Variants in MARCHF1 observed in about 807,000 individuals in gnomAD.
MARCHF1 encodes the protein membrane associated ring-CH-type finger 1, also known as E3 ubiquitin-protein ligase MARCHF1.
A neutral mutation model predicts 54.2 loss-of-function variants in MARCHF1; 40 were observed. The ratio of observed to expected loss-of-function variants is 0.74; its 90% confidence interval spans 0.57 to 0.96. The LOEUF (loss-of-function observed/expected upper bound fraction) is 0.96. MARCHF1 is among the 40% of genes least tolerant of loss of function. MARCHF1 has a pLI of 0.00. For synonymous variants in MARCHF1, 236 were observed against 236.3 expected (o/e 1.00, Z 0.01); for missense variants, 586 against 656.5 (o/e 0.89, Z 1.17).
chr4:164,059,954 G>A (rs943144607), intron 2 of MARCHF1, among the ~76,000 whole-genome samples: 1 of 151,982 alleles, frequency 6.6e-6, no homozygotes, highest in African/African-American at 2.4e-5. Context: ...TAGGCCTGCC[G>A]CTTAGTATTG....
chr4:164,130,139 T>C (rs1464888605), intron 1 of MARCHF1: 2 of 152,160 alleles, frequency 1.3e-5, no homozygotes, highest in African/African-American at 4.8e-5. Flanking sequence ...ATAAACATTA[T>C]TATTCTAAAC....
chr4:163,608,730 G>A (rs549381376), intron 7 of MARCHF1, among the ~76,000 whole-genome samples: 1 of 152,084 alleles, frequency 6.6e-6, no homozygotes, highest in East Asian at 1.9e-4. Flanking sequence ...TGTGCATGTG[G>A]GGACCAGAAG....
intron 4 of MARCHF1, among the ~76,000 whole-genome samples, chr4:163,706,689 G>T (rs1201164898): frequency 2.0e-5 from 3 of 151,898 alleles, no homozygotes; most frequent in Non-Finnish European, 4.4e-5. Flanking sequence ...GTAGAATGCA[G>T]TTCCAATTAA....
chr4:164,106,211 T>C (rs1487124612), intron 2 of MARCHF1, among the ~76,000 whole-genome samples: 72 of 126,500 alleles, frequency 5.7e-4, no homozygotes, highest in Admixed American at 7.3e-4. Context: ...AGTGTGGCGA[T>C]TCCTCAGGGA....
intron 3 of MARCHF1, among the ~76,000 whole-genome samples, chr4:163,857,912 T>C (rs1749812306): frequency 6.6e-6 from 1 of 152,154 alleles, no homozygotes; most frequent in Non-Finnish European, 1.5e-5. Context: ...GGAGCTATGA[T>C]AGCAGTATAC....
chr4:163,713,095 T>C (rs1745156518), intron 4 of MARCHF1, among the ~76,000 whole-genome samples: 1 of 152,124 alleles, frequency 6.6e-6, no homozygotes, highest in Admixed American at 6.6e-5. Context: ...TATTAAGCTA[T>C]TTTTAAAAAC....
At position 164,154,798 on chromosome 4, in the gene MARCHF1, C is replaced by T. The variant is rs183214455; in HGVS notation, c.-322-43136G>A. Among the ~76,000 whole-genome samples the T allele has an allele frequency of 7.9e-5, 12 of 152,284 alleles. No individual in the cohort carries two copies. In the East Asian group the frequency reaches 1.7e-3, roughly 22 times the overall value. ...TCTGCCTTTTTGCAAGGGCAGGGGA[C>T]GATTGTGCCAGCTTTCTGTATCCCA... On this transcript the variant is annotated intron_variant, in intron 1 of 9. Transcript: ENST00000514618.
intron 4 of MARCHF1, among the ~76,000 whole-genome samples, chr4:163,744,670 G>A (rs571585365): frequency 6.6e-6 from 1 of 152,310 alleles, no homozygotes; most frequent in Non-Finnish European, 1.5e-5. Context: ...AATTAGAAGA[G>A]AGTGAAGTCA....
chr4:164,211,773 G>A (rs1199191334), intron 1 of MARCHF1, among the ~76,000 whole-genome samples: 2 of 151,946 alleles, frequency 1.3e-5, no homozygotes, highest in African/African-American at 4.8e-5. Flanking sequence ...GAGTTGAAGT[G>A]AAAAGAAGCA....
chr4:163,924,985 C>T (rs941499247), intron 3 of MARCHF1, among the ~76,000 whole-genome samples: 2 of 151,784 alleles, frequency 1.3e-5, no homozygotes, highest in African/African-American at 2.4e-5. Context: ...TTCTCATGAG[C>T]AAAACTGCAG....
At chr4:164,339,482 C>G (rs1729852600) in intron 1 of MARCHF1, among the ~76,000 whole-genome samples, 1 of 151,894 alleles carries the variant, frequency 6.6e-6, no homozygotes, top group Non-Finnish European at 1.5e-5. Flanking sequence ...AACCAATGAT[C>G]CAAAACTAAA....
chr4:164,139,176 C>G (rs1257866452), intron 1 of MARCHF1, among the ~76,000 whole-genome samples: 2 of 151,840 alleles, frequency 1.3e-5, no homozygotes, highest in Non-Finnish European at 2.9e-5. Context: ...CTCAGAGAAC[C>G]TGATAATATG....
intron 3 of MARCHF1, among the ~76,000 whole-genome samples, chr4:163,980,661 C>A (rs1200606934): frequency 1.3e-5 from 2 of 152,148 alleles, no homozygotes; most frequent in Non-Finnish European, 2.9e-5. Context: ...GAATCCTTCA[C>A]TGTATAATCA....
chr4:164,341,497 A>T (rs973076867), intron 1 of MARCHF1, among the ~76,000 whole-genome samples: 1 of 152,236 alleles, frequency 6.6e-6, no homozygotes. Context: ...TTGTTAAAAC[A>T]AAATACTATA....
intron 3 of MARCHF1, among the ~76,000 whole-genome samples, chr4:163,915,613 ATTAGACT>A (rs893452167): frequency 8.5e-5 from 13 of 152,192 alleles, no homozygotes; most frequent in African/African-American, 2.7e-4. Flanking sequence ...TCATATTAAC[ATTAGACT>A]TTAATCACAG....
chr4:164,362,568 A>G (rs560220363), intron 1 of MARCHF1, among the ~76,000 whole-genome samples: 12 of 152,102 alleles, frequency 7.9e-5, no homozygotes, highest in Non-Finnish European at 1.5e-4. Context: ...TACTACCAAG[A>G]AGTGGTCAGA....
At chr4:164,127,709 A>G (rs536758144) in intron 1 of MARCHF1, among the ~76,000 whole-genome samples, 54 of 152,326 alleles carry the variant, frequency 3.5e-4, no homozygotes, top group Non-Finnish European at 6.2e-4. Flanking sequence ...TCAAAAAATT[A>G]TGTGAAGAAA....
intron 4 of MARCHF1, among the ~76,000 whole-genome samples, chr4:163,833,946 G>A (rs1297543854): frequency 6.6e-6 from 1 of 152,134 alleles, no homozygotes; most frequent in African/African-American, 2.4e-5. Flanking sequence ...GTCTACAAAT[G>A]AGCAGCAGTG....
intron 5 of MARCHF1, among the ~76,000 whole-genome samples, chr4:163,665,796 T>C (rs1743511945): frequency 6.6e-6 from 1 of 152,168 alleles, no homozygotes; most frequent in South Asian, 2.1e-4. Flanking sequence ...TCCCATTTTA[T>C]TATACATTTG....
Sources: allele counts gnomAD v4.1 joint callset (sites outside exome capture counted in the v4.1 genomes callset), GRCh38; gene constraint gnomAD v4.1.1; transcripts MANE v1.5; gene names NCBI Gene and HGNC (gene_info 2026-07-23, HGNC 2026-07-21).